Variants in TSPEAR observed in about 807,000 individuals in gnomAD.
TSPEAR encodes thrombospondin-type laminin G domain and EAR repeat-containing protein.
TSPEAR carries 69 observed loss-of-function variants against 71.6 expected under a neutral mutation model. That is an observed-to-expected ratio of 0.96 (90% CI 0.79 to 1.18). TSPEAR has a LOEUF of 1.18. Among genes scored for constraint, TSPEAR ranks in the 50% most tolerant of loss-of-function variants. The pLI is 0.00. For synonymous variants in TSPEAR, 402 were observed against 387.2 expected (o/e 1.04, Z -0.45); for missense variants, 971 against 894.9 (o/e 1.09, Z -1.09).
chr21:44,647,445 C>T, intron 1 of TSPEAR: 2 of 1,412,080 alleles, frequency 1.4e-6, no homozygotes, highest in Non-Finnish European at 1.9e-6. Flanking sequence ...CAGAATCCAC[C>T]AGCTCCATCA....
Position 44,600,726 on chromosome 21 carries a change from C to T in TSPEAR, c.83-32721G>A, listed in dbSNP as rs373342166. The T allele has an allele frequency of 4.8e-5, 78 of 1,612,580 alleles. 1 individual carries two copies. In the South Asian group the frequency reaches 7.0e-4, roughly 15 times the overall value. The stretch of plus-strand genomic sequence containing the variant: ...CTTGCTCCGACTCCTGGCAGGTGGA[C>T]GACTGCCCAGAGAGCTGCTGCGAGC... On this transcript the variant is annotated intron_variant, in intron 1 of 11. Coordinates refer to ENST00000323084, the MANE Select transcript of TSPEAR (RefSeq NM_144991.3).
At chr21:44,508,059 G>A (rs1306032194) in intron 10 of TSPEAR, 6 of 152,216 alleles carry the variant, frequency 3.9e-5, no homozygotes, top group African/African-American at 7.2e-5. Flanking sequence ...AAGTAACAGG[G>A]CAAATAGGGA....
At position 44,627,890 on chromosome 21, in the gene TSPEAR, G is replaced by A. The variant is rs782564953; in HGVS notation, c.83-59885C>T. 3.7e-5 allele frequency: 59 copies of A among 1,609,242 alleles called. No individual in the cohort carries two copies. The highest frequency in any genetic ancestry group is 4.6e-5 in the Non-Finnish European group (54 of 1,177,710). On this transcript the variant is annotated intron_variant, in intron 1 of 11. Transcript: ENST00000323084. ...TCCCTCCTCTGCCGCCCTGTGTGCA[G>A]GCCCGCCTGCTGCGTGCCCGTCTCC...
chr21:44,546,769 C>T lies in TSPEAR; in HGVS notation c.304-12846G>A, dbSNP rs587620260. Among the ~76,000 whole-genome samples the T allele has an allele frequency of 1.4e-4, 22 of 152,284 alleles. No homozygotes were observed. The East Asian group carries it at 1.9e-3, about 13-fold the overall frequency. On this transcript the variant is annotated intron_variant, in intron 2 of 11. Coordinates refer to ENST00000323084, the MANE Select transcript of TSPEAR (RefSeq NM_144991.3). This position sits in a 1 kb window ranked among gnomAD's most constrained non-coding sequence, Gnocchi z 4.4. The stretch of plus-strand genomic sequence containing the variant: ...CCTCCATGGTTTCTGATGAGAAATT[C>T]GCTGTTAGTCTTCTGTCCAGCAGCT...
At chr21:44,659,914 T>C (rs587623172) in intron 1 of TSPEAR, among the ~76,000 whole-genome samples, 1 of 152,312 alleles carries the variant, frequency 6.6e-6, no homozygotes, top group Non-Finnish European at 1.5e-5. Context: ...AACAGATGGG[T>C]AATTTCAGCA....
At chr21:44,591,279 G>C in intron 1 of TSPEAR, 1 of 1,478,928 alleles carries the variant, frequency 6.8e-7, no homozygotes, top group Non-Finnish European at 9.0e-7. Flanking sequence ...AAGACAAAGA[G>C]CCTGCCCCAT....
chr21:44,516,550 A>C lies in TSPEAR; in HGVS notation c.1566+5333T>G, dbSNP rs140151738. On this transcript the variant is annotated intron_variant, in intron 9 of 11. Coordinates refer to ENST00000323084, the MANE Select transcript of TSPEAR (RefSeq NM_144991.3). ...GTTGTACCTCCACTAATAAACACCA[A>C]CACCCGCGCCCAGGGTGGGTTCGGC... The C allele has an allele frequency of 5.3e-3, 805 of 152,142 alleles. 2 individuals are homozygous for C. The highest frequency in any genetic ancestry group is 7.6e-3 in the Non-Finnish European group (516 of 68,018). 9.4% of individuals were successfully genotyped at this position (152,142 alleles called of 1,614,324 possible).
At chr21:44,521,852 G>A (rs1027618146) in intron 9 of TSPEAR, 31 bp downstream of exon 9, 3 of 1,596,176 alleles carry the variant, frequency 1.9e-6, no homozygotes, top group Admixed American at 1.7e-5. Context: ...GGCCAGCAAT[G>A]GAGAGCCGGG....
chr21:44,673,218 C>T (rs9968008), intron 1 of TSPEAR, among the ~76,000 whole-genome samples: 79,037 of 151,932 alleles, frequency 0.52, 20,574 homozygotes, highest in South Asian at 0.57. Context: ...CAGCAGAAAC[C>T]TTACAGGTCA....
At chr21:44,665,721 C>A (rs1693005796) in intron 1 of TSPEAR, among the ~76,000 whole-genome samples, 1 of 152,120 alleles carries the variant, frequency 6.6e-6, no homozygotes, top group South Asian at 2.1e-4. Context: ...ATATTAGGAT[C>A]CTCAGTAATT....
At chr21:44,619,174 A>T (rs781998108) in intron 1 of TSPEAR, among the ~76,000 whole-genome samples, 3 of 152,256 alleles carry the variant, frequency 2.0e-5, no homozygotes, top group Non-Finnish European at 4.4e-5. Context: ...GGACCAACAT[A>T]CAGAGCCCAG....
At chr21:44,574,076 G>C (rs782636461) in intron 1 of TSPEAR, 2 of 1,612,872 alleles carry the variant, frequency 1.2e-6, no homozygotes, top group African/African-American at 1.3e-5. Flanking sequence ...CCCCCTGCCA[G>C]CAGGCCTGCT....
At position 44,624,675 on chromosome 21, in the gene TSPEAR, CTGT is replaced by C. The variant is rs781914232; in HGVS notation, c.83-56673_83-56671del. Among the ~76,000 whole-genome samples the C allele has an allele frequency of 2.6e-4, 39 of 152,222 alleles. 1 individual carries two copies. The highest frequency in any genetic ancestry group is 3.9e-4 in the Admixed American group (6 of 15,296). On this transcript the variant is annotated intron_variant, in intron 1 of 11. Coordinates refer to ENST00000323084, the MANE Select transcript of TSPEAR (RefSeq NM_144991.3). ...ATATTCACTGTTTCCAACTGACAGT[CTGT>C]TGTTGTTGTTGTTTTACCAGAATCC...
At chr21:44,682,923 T>C (rs1436129477) in intron 1 of TSPEAR, among the ~76,000 whole-genome samples, 1 of 152,082 alleles carries the variant, frequency 6.6e-6, no homozygotes, top group Non-Finnish European at 1.5e-5. Context: ...CTGTGGAAGC[T>C]GACTGTGAAT....
At chr21:44,521,430 C>A (rs112115762) in intron 9 of TSPEAR, among the ~76,000 whole-genome samples, 1 of 152,216 alleles carries the variant, frequency 6.6e-6, no homozygotes, top group South Asian at 2.1e-4. Context: ...AGGAGCGCCA[C>A]GTGCTGCCCC....
At chr21:44,575,055 C>T in intron 1 of TSPEAR, 2 of 1,554,824 alleles carry the variant, frequency 1.3e-6, no homozygotes, top group Non-Finnish European at 1.7e-6. Flanking sequence ...GCCAGCCAGG[C>T]TCAGGTCCCA....
At chr21:44,525,895 T>TGGTTTCTGAA (rs2052846377) in intron 7 of TSPEAR, 56 bp from the exon 8 acceptor site, 11 of 1,572,912 alleles carry the variant, frequency 7.0e-6, no homozygotes, top group African/African-American at 1.4e-5. Flanking sequence ...GCCAGCGGCC[T>TGGTTTCTGAA]GGTTTCTGAA....
chr21:44,595,681 G>A (rs1257198501), intron 1 of TSPEAR, among the ~76,000 whole-genome samples: 1 of 152,154 alleles, frequency 6.6e-6, no homozygotes, highest in African/African-American at 2.4e-5. Context: ...ACATAACAAG[G>A]ACACCTGTTT....
chr21:44,609,239 C>T (rs1158186649), intron 1 of TSPEAR, among the ~76,000 whole-genome samples: 1 of 152,172 alleles, frequency 6.6e-6, no homozygotes, highest in Non-Finnish European at 1.5e-5. Flanking sequence ...TGGTAATGTT[C>T]CACATCTTCC....
Sources: allele counts gnomAD v4.1 joint callset (sites outside exome capture counted in the v4.1 genomes callset), GRCh38; gene constraint gnomAD v4.1.1; non-coding constraint Gnocchi (gnomAD v3.1); transcripts MANE v1.5; gene names NCBI Gene and HGNC (gene_info 2026-07-23, HGNC 2026-07-21).